ATG7: variants seen among roughly 807,000 people sequenced by gnomAD.
ATG7 encodes the protein autophagy related 7.
ATG7 carries 70 observed loss-of-function variants against 82.4 expected under a neutral mutation model. The ratio of observed to expected loss-of-function variants is 0.85; its 90% CI spans 0.70 to 1.04. ATG7 has a LOEUF of 1.04. ATG7 is among the 50% of genes least tolerant of loss of function. The pLI is 0.00. For synonymous variants in ATG7, 287 were observed against 313.0 expected, an observed-to-expected ratio of 0.92 and a Z score of 0.88; for missense variants, 792 against 864.3, an observed-to-expected ratio of 0.92 and a Z score of 1.05.
intron 20 of ATG7, among the ~76,000 whole-genome samples, chr3:11,508,504 G>C (rs1355869090): frequency 6.6e-6 from 1 of 152,132 alleles, no homozygotes; most frequent in Non-Finnish European, 1.5e-5. Flanking sequence ...GCCCAGGCTG[G>C]AATGCAGTGG....
At chr3:11,462,506 G>GAAC (rs926512516) in intron 20 of ATG7, among the ~76,000 whole-genome samples, 12 of 152,260 alleles carry the variant, frequency 7.9e-5, no homozygotes, top group African/African-American at 2.9e-4. Context: ...AGGGCAGCGT[G>GAAC]AACACTTTAG....
intron 3 of ATG7, among the ~76,000 whole-genome samples, chr3:11,287,227 T>A (rs1267149433): frequency 6.6e-6 from 1 of 152,086 alleles, no homozygotes; most frequent in Non-Finnish European, 1.5e-5. Flanking sequence ...CAATACCAAA[T>A]GTCTAGGTGG....
Position 11,556,394 on chromosome 3 carries a change from C to A in ATG7, c.*1551C>A, listed in dbSNP as rs146630392. 6.5e-6 allele frequency: 1 copy of A among 153,018 alleles called. No individual in the cohort carries two copies. Among genetic ancestry groups the A allele is most frequent in the Non-Finnish European group, 1.5e-5 (1 of 68,200 alleles). 9.5% of individuals were successfully genotyped at this position (153,018 alleles called of 1,614,324 possible). On this transcript the variant is annotated 3_prime_UTR_variant, in exon 21 of 21. Coordinates refer to ENST00000693202, the MANE Select transcript of ATG7 (RefSeq NM_001349232.2). ...GCACCAGGGACCCGGCCGCCAGCAC[C>A]GCCGACCCCTCCCAGAGTGACGCCC...
chr3:11,431,452 G>C (rs2082881530), intron 20 of ATG7, among the ~76,000 whole-genome samples: 1 of 152,174 alleles, frequency 6.6e-6, no homozygotes, highest in East Asian at 1.9e-4. Flanking sequence ...GTGGTTTTTA[G>C]TATATTCACA....
chr3:11,529,908 C>A (rs2092661202), intron 20 of ATG7, among the ~76,000 whole-genome samples: 1 of 152,180 alleles, frequency 6.6e-6, no homozygotes, highest in Non-Finnish European at 1.5e-5. Flanking sequence ...TTCTTACTCA[C>A]CCTAGCATGA....
chr3:11,460,950 C>T (rs1266736727), intron 20 of ATG7, among the ~76,000 whole-genome samples: 3 of 152,152 alleles, frequency 2.0e-5, no homozygotes, highest in Non-Finnish European at 4.4e-5. Flanking sequence ...CTCAATATGT[C>T]TTTGCAACCT....
chr3:11,476,418 CTTTTTTTT>C (rs57639760), intron 20 of ATG7, among the ~76,000 whole-genome samples: 1 of 139,462 alleles, frequency 7.2e-6, no homozygotes, highest in Non-Finnish European at 1.5e-5. Context: ...TGTGGTTTTT[CTTTTTTTT>C]TTTTTTTGGT....
At chr3:11,414,521 T>A (rs1251763722) in intron 19 of ATG7, among the ~76,000 whole-genome samples, 1 of 152,224 alleles carries the variant, frequency 6.6e-6, no homozygotes, top group Admixed American at 6.5e-5. Context: ...TCCTTCCCAA[T>A]CAGAATACCC....
At chr3:11,540,810 T>A (rs1260683552) in intron 20 of ATG7, among the ~76,000 whole-genome samples, 2 of 151,880 alleles carry the variant, frequency 1.3e-5, no homozygotes, top group African/African-American at 2.4e-5. Context: ...TCTCTTACAG[T>A]TCCTGCTTTT....
chr3:11,300,892 A>G (rs1330870283), intron 5 of ATG7, among the ~76,000 whole-genome samples: 3 of 152,226 alleles, frequency 2.0e-5, no homozygotes, highest in Admixed American at 1.3e-4. Flanking sequence ...GGGAGGCTAG[A>G]CTAAGCTATG....
chr3:11,344,805 G>A (rs906464606), intron 13 of ATG7, among the ~76,000 whole-genome samples: 1 of 152,164 alleles, frequency 6.6e-6, no homozygotes, highest in African/African-American at 2.4e-5. Flanking sequence ...GGAGGTTGAG[G>A]CTGTAGTGAG....
intron 20 of ATG7, among the ~76,000 whole-genome samples, chr3:11,486,073 G>A (rs1483669984): frequency 6.6e-6 from 1 of 152,154 alleles, no homozygotes; most frequent in African/African-American, 2.4e-5. Context: ...TTCCAATTCT[G>A]TGAAGAAGGT....
intron 20 of ATG7, among the ~76,000 whole-genome samples, chr3:11,434,302 G>GA (rs1262304208): frequency 6.6e-6 from 1 of 152,198 alleles, no homozygotes; most frequent in East Asian, 1.9e-4. Context: ...GAAGCTGTGG[G>GA]AAACCCCCGT....
chr3:11,527,456 C>T lies in ATG7; in HGVS notation c.2080-27355C>T, dbSNP rs530616032. Among the ~76,000 whole-genome samples, 3 of 152,288 alleles carry T rather than the reference C, an allele frequency of 2.0e-5. No individual in the cohort carries two copies. The East Asian group carries it at 5.8e-4, about 29-fold the overall frequency. On this transcript the variant is annotated intron_variant, in intron 20 of 20. Transcript: ENST00000693202. Reference sequence around the variant, plus strand: ...CTGAGATAATGTCATTCTCTTCTACCTGTCCCTGGGTAACTATTTAATACC... The same window carrying T: ...CTGAGATAATGTCATTCTCTTCTACTTGTCCCTGGGTAACTATTTAATACC...
In ATG7 at chr3:11,360,578, C is replaced by T. The variant is rs2076222772; in HGVS notation, c.1480-3C>T. On this transcript the variant is annotated splice_region_variant and splice_polypyrimidine_tract_variant and intron_variant, in intron 15 of 20. Coordinates refer to ENST00000693202, the MANE Select transcript of ATG7 (RefSeq NM_001349232.2). ...CTGCTCTTTCATTCCTTGAAACCTGCAGCTGGTCATCAATGCTGCTTTGGG... is the reference window on the plus strand; with the variant it reads ...CTGCTCTTTCATTCCTTGAAACCTGTAGCTGGTCATCAATGCTGCTTTGGG... The T allele has an allele frequency of 6.2e-7, 1 of 1,612,070 alleles. No individual in the cohort carries two copies. Among genetic ancestry groups the T allele is most frequent in the Admixed American group, 1.7e-5 (1 of 59,920 alleles).
At chr3:11,539,886 A>G (rs887336247) in intron 20 of ATG7, among the ~76,000 whole-genome samples, 3 of 152,216 alleles carry the variant, frequency 2.0e-5, no homozygotes, top group African/African-American at 7.2e-5. Context: ...CACCTGCATC[A>G]TTGCGTGTGT....
intron 20 of ATG7, among the ~76,000 whole-genome samples, chr3:11,454,243 TC>T (rs1440372533): frequency 6.6e-6 from 1 of 152,172 alleles, no homozygotes; most frequent in African/African-American, 2.4e-5. Context: ...CCCATGTTTT[TC>T]TGGTGGAGTT....
At chr3:11,451,212 CT>C (rs34036551) in intron 20 of ATG7, among the ~76,000 whole-genome samples, 94,183 of 120,436 alleles carry the variant, frequency 0.78, 36,308 homozygotes, top group East Asian at 0.97. Context: ...AAGGTTGACA[CT>C]TTTTTTTTTT....
In ATG7 at chr3:11,536,073, T is replaced by C. The variant is rs112864291; in HGVS notation, c.2080-18738T>C. ...GGAAAGGGGCCTCATAACTGGCTAGTTGGGGCAAGGAGACCACCCTCCCAG... is the reference window on the plus strand; with the variant it reads ...GGAAAGGGGCCTCATAACTGGCTAGCTGGGGCAAGGAGACCACCCTCCCAG... On this transcript the variant is annotated intron_variant, in intron 20 of 20. Transcript: ENST00000693202. 6.4e-3 allele frequency among the ~76,000 whole-genome samples: 977 copies of C among 152,236 alleles called. 10 individuals carry two copies. Among genetic ancestry groups the C allele is most frequent in the African/African-American group, 0.022 (905 of 41,554 alleles).
Sources: gnomAD v4.1 joint callset for allele counts (sites outside exome capture counted in the v4.1 genomes callset) on GRCh38, gnomAD v4.1.1 for gene constraint, MANE v1.5 for transcripts, NCBI Gene and HGNC (gene_info 2026-07-23, HGNC 2026-07-21) for gene names.